Variants in MMP16 observed in about 807,000 individuals in gnomAD.
MMP16 encodes matrix metallopeptidase 16.
MMP16 carries 12 observed loss-of-function variants against 67.8 expected under a neutral mutation model. The ratio of observed to expected loss-of-function variants is 0.18; its 90% confidence interval spans 0.11 to 0.29. MMP16 has a LOEUF of 0.29. Ranked by LOEUF, MMP16 falls within the 10% of genes least tolerant of loss-of-function variation. MMP16 has a pLI of 1.00. For synonymous variants in MMP16, 249 were observed against 255.9 expected (o/e 0.97, Z 0.26); for missense variants, 475 against 765.7 (o/e 0.62, Z 4.48).
intron 3 of MMP16, among the ~76,000 whole-genome samples, chr8:88,180,424 A>C (rs953067126): frequency 2.6e-5 from 4 of 152,176 alleles, no homozygotes; most frequent in Admixed American, 1.3e-4. Flanking sequence ...ATACAGATAA[A>C]TTAAAAGTGA....
intron 6 of MMP16, among the ~76,000 whole-genome samples, chr8:88,100,524 T>C (rs1809122990): frequency 6.6e-6 from 1 of 152,054 alleles, no homozygotes; most frequent in Admixed American, 6.6e-5. Context: ...TTTACACTGT[T>C]GATGGGACTG....
intron 1 of MMP16, among the ~76,000 whole-genome samples, chr8:88,237,191 A>C (rs994804819): frequency 2.6e-5 from 4 of 152,188 alleles, no homozygotes; most frequent in Non-Finnish European, 5.9e-5. Flanking sequence ...AAAGTCTGAC[A>C]ACAGTATTAA....
At chr8:88,072,111 C>T (rs1808566986) in intron 7 of MMP16, among the ~76,000 whole-genome samples, 1 of 152,070 alleles carries the variant, frequency 6.6e-6, no homozygotes, top group Non-Finnish European at 1.5e-5. Flanking sequence ...GCAGAGATTA[C>T]CTCATGGCCC....
At chr8:88,154,373 AC>A in intron 4 of MMP16, among the ~76,000 whole-genome samples, 1 of 139,146 alleles carries the variant, frequency 7.2e-6, no homozygotes, top group East Asian at 2.1e-4. Context: ...CTGGGTATAT[AC>A]CCAAAGGACT....
At chr8:88,154,835 T>A (rs1250367126) in intron 4 of MMP16, among the ~76,000 whole-genome samples, 1 of 145,148 alleles carries the variant, frequency 6.9e-6, no homozygotes, top group African/African-American at 2.6e-5. Context: ...ACCTGCACAA[T>A]GTGCACATGT....
intron 1 of MMP16, among the ~76,000 whole-genome samples, chr8:88,235,046 G>T (rs1809918701): frequency 6.6e-6 from 1 of 152,160 alleles, no homozygotes; most frequent in East Asian, 1.9e-4. Context: ...GAAGGATTCT[G>T]TATCACCCCA....
At chr8:88,250,570 A>T (rs1810193992) in intron 1 of MMP16, among the ~76,000 whole-genome samples, 1 of 152,016 alleles carries the variant, frequency 6.6e-6, no homozygotes, top group Non-Finnish European at 1.5e-5. Flanking sequence ...TTGTAGCATG[A>T]TGACCAAAAA....
chr8:88,182,971 T>C (rs1305278890), intron 3 of MMP16, among the ~76,000 whole-genome samples: 1 of 152,074 alleles, frequency 6.6e-6, no homozygotes, highest in Non-Finnish European at 1.5e-5. Context: ...CTACATTCTC[T>C]ATAGTTCCAA....
chr8:88,240,544 T>C (rs746289216), intron 1 of MMP16, among the ~76,000 whole-genome samples: 2 of 152,138 alleles, frequency 1.3e-5, no homozygotes, highest in Admixed American at 1.3e-4. Context: ...TCTTAAACTA[T>C]TGAGAAGTAT....
chr8:88,098,733 T>C (rs939689068), intron 6 of MMP16, among the ~76,000 whole-genome samples: 11 of 151,954 alleles, frequency 7.2e-5, no homozygotes, highest in Middle Eastern at 3.2e-3. Context: ...AACACCCGGC[T>C]CTCATCTGAC....
intron 1 of MMP16, among the ~76,000 whole-genome samples, chr8:88,267,545 G>A (rs929782531): frequency 1.3e-5 from 2 of 152,158 alleles, no homozygotes; most frequent in African/African-American, 2.4e-5. Flanking sequence ...AACACTTAGC[G>A]TAACACCTGG....
chr8:88,132,208 C>T lies in MMP16; in HGVS notation c.710-13347G>A, dbSNP rs28907616. The stretch of plus-strand genomic sequence containing the variant: ...AAAAAAAATAAAGATTGTGTATATA[C>T]GTAAGAATAAATTTCAATACTTGAA... On this transcript the variant is annotated intron_variant, in intron 4 of 9. Coordinates refer to ENST00000286614, the MANE Select transcript of MMP16 (RefSeq NM_005941.5). 2.2e-3 allele frequency among the ~76,000 whole-genome samples: 339 copies of T among 151,810 alleles called. 1 individual carries two copies. The highest frequency in any genetic ancestry group is 7.8e-3 in the African/African-American group (322 of 41,472).
intron 6 of MMP16, among the ~76,000 whole-genome samples, chr8:88,102,058 C>T (rs1176598635): frequency 6.6e-6 from 1 of 151,898 alleles, no homozygotes; most frequent in Non-Finnish European, 1.5e-5. Flanking sequence ...TTCTTCTGCT[C>T]TCATATCAAC....
At chr8:88,096,297 T>C (rs893130491) in intron 6 of MMP16, among the ~76,000 whole-genome samples, 2 of 151,946 alleles carry the variant, frequency 1.3e-5, no homozygotes, top group African/African-American at 4.8e-5. Context: ...ATTTTAAAAC[T>C]GGCTGGCCTT....
chr8:88,224,991 C>A (rs1218618908), intron 1 of MMP16, among the ~76,000 whole-genome samples: 1 of 151,886 alleles, frequency 6.6e-6, no homozygotes, highest in African/African-American at 2.4e-5. Context: ...ATCTTTTTTG[C>A]TGTTCCCTGA....
rs149506963 is a variant in MMP16, at chr8:88,215,946, G to A, written c.133-18640C>T. On this transcript the variant is annotated intron_variant, in intron 1 of 9. Transcript: ENST00000286614. ...TTACATATCATCTTGATAGCCTTTA[G>A]AAAAACCATCAGATAATGACCATGC... is the stretch of plus-strand genomic sequence containing the variant. Among the ~76,000 whole-genome samples the A allele has an allele frequency of 7.9e-3, 1,209 of 152,218 alleles. 10 individuals are homozygous for A. Among genetic ancestry groups the A allele is most frequent in the Non-Finnish European group, 0.013 (901 of 68,004 alleles).
intron 6 of MMP16, among the ~76,000 whole-genome samples, chr8:88,079,812 T>A (rs1192275086): frequency 1.3e-5 from 2 of 152,104 alleles, no homozygotes; most frequent in Admixed American, 1.3e-4. Context: ...CACTGCCCCC[T>A]CCACTGTGTG....
chr8:88,285,263 C>A (rs1328943758), intron 1 of MMP16, among the ~76,000 whole-genome samples: 1 of 152,056 alleles, frequency 6.6e-6, no homozygotes, highest in African/African-American at 2.4e-5. Flanking sequence ...CCTCAGCCTC[C>A]CGAGTAGCTG....
At chr8:88,111,938 G>C (rs1435906426) in intron 6 of MMP16, among the ~76,000 whole-genome samples, 1 of 151,610 alleles carries the variant, frequency 6.6e-6, no homozygotes, top group Non-Finnish European at 1.5e-5. Flanking sequence ...ATAAGAATTA[G>C]ACAAAGGAAA....
Sources: allele counts gnomAD v4.1 joint callset (sites outside exome capture counted in the v4.1 genomes callset), GRCh38; gene constraint gnomAD v4.1.1; transcripts MANE v1.5; gene names NCBI Gene and HGNC (gene_info 2026-07-23, HGNC 2026-07-21).